CHRNA2: variants seen among roughly 807,000 people sequenced by gnomAD.
CHRNA2 encodes neuronal acetylcholine receptor subunit alpha-2.
In CHRNA2, 40 loss-of-function variants were observed where a neutral mutation model predicts 45.5. The observed-to-expected ratio is 0.88, with a 90% CI of 0.68 to 1.15. CHRNA2 has a LOEUF of 1.15. Ranked by LOEUF, CHRNA2 falls within the 50% of genes most tolerant of loss-of-function variation. The pLI is 0.00. For missense variants in CHRNA2, 655 were observed against 701.7 expected (o/e 0.93, Z 0.75); for synonymous variants, 301 against 296.7 (o/e 1.01, Z -0.15).
In CHRNA2 at chr8:27,469,925, G is replaced by A; in HGVS notation, c.130C>T (p.Pro44Ser). The A allele has an allele frequency of 6.2e-7, 1 of 1,614,176 alleles. No individual in the cohort carries two copies. The highest frequency in any genetic ancestry group is 8.5e-7 in the Non-Finnish European group (1 of 1,180,044). ...PRAPGDPLSS[P>S]SPTALPQGGS... is the part of the protein sequence containing the mutation. ...CCCTGCGGCAATGCCGTGGGACTGG[G>A]AGAGGAGAGTGGGTCTCCAGGAGCC... is the stretch of plus-strand genomic sequence containing the variant. The change falls in exon 3 of 7, where the codon CCC becomes TCC. Residue 44 changes from proline to serine, a missense_variant. Coordinates refer to ENST00000407991, the MANE Select transcript of CHRNA2 (RefSeq NM_000742.4).
chr8:27,469,605 G>A (rs916888102), intron 3 of CHRNA2, 156 bp downstream of exon 3: 5 of 962,364 alleles, frequency 5.2e-6, no homozygotes, highest in South Asian at 2.7e-5. Flanking sequence ...CTGGGAGAGG[G>A]GAGAGCGTAG....
intron 1 of CHRNA2, among the ~76,000 whole-genome samples, chr8:27,472,059 G>A (rs1482252955): frequency 6.6e-6 from 1 of 152,242 alleles, no homozygotes; most frequent in Non-Finnish European, 1.5e-5. Flanking sequence ...GTTTTGAAGA[G>A]CTTCTAAATA....
chr8:27,464,288 T>C lies in CHRNA2; in HGVS notation c.450-295A>G, dbSNP rs114466670. Among the ~76,000 whole-genome samples, 3,179 of 152,276 alleles carry C rather than the reference T, an allele frequency of 0.021. 119 individuals are homozygous for C. Among genetic ancestry groups the C allele is most frequent in the African/African-American group, 0.072 (2,995 of 41,526 alleles). On this transcript the variant is annotated intron_variant, in intron 5 of 6. Transcript: ENST00000407991. ...CATTTTGATGATATATATGTATATA[T>C]ATAAAATGTAAAACGATTATATATA...
intron 1 of CHRNA2, among the ~76,000 whole-genome samples, chr8:27,474,941 C>A (rs1490308218): frequency 6.6e-6 from 1 of 152,228 alleles, no homozygotes; most frequent in Non-Finnish European, 1.5e-5. Context: ...GCAAAGGAAA[C>A]AGCACAGCTA....
intron 3 of CHRNA2, 49 bp downstream of exon 3, chr8:27,469,712 G>T: frequency 3.1e-6 from 5 of 1,603,502 alleles, no homozygotes; most frequent in Non-Finnish European, 4.3e-6. Flanking sequence ...AAAGCGGTGG[G>T]TGGTCTGGGA....
chr8:27,462,956 C>G, intron 6 of CHRNA2, 23 bp downstream of exon 6: 1 of 1,613,806 alleles, frequency 6.2e-7, no homozygotes, highest in South Asian at 1.1e-5. Context: ...CCCAGGCTGG[C>G]GCCTCTCCCA....
rs996402914 is a variant in CHRNA2 at position 27,464,562 on chromosome 8, C to A, written c.450-569G>T. ...GGTGGGTGTGGCCAGGTGCTTGCTG[C>A]TGATTGGCTGGGTGGGGATGACATC... On this transcript the variant is annotated intron_variant, in intron 5 of 6. Transcript: ENST00000407991. Among the ~76,000 whole-genome samples, 6 of 152,004 alleles carry A rather than the reference C, an allele frequency of 3.9e-5. 1 individual carries two copies. The highest frequency in any genetic ancestry group is 2.6e-4 in the Admixed American group (4 of 15,266).
At position 27,463,146 on chromosome 8, in the gene CHRNA2, CAG is replaced by C; in HGVS notation, c.1295_1296del (p.Ser432CysfsTer20). The C allele has an allele frequency of 6.2e-7, 1 of 1,603,006 alleles. No individual in the cohort carries two copies. The highest frequency in any genetic ancestry group is 1.1e-5 in the South Asian group (1 of 90,536). On this transcript the variant is annotated frameshift_variant, in exon 6 of 7. Coordinates refer to ENST00000407991, the MANE Select transcript of CHRNA2 (RefSeq NM_000742.4). LOFTEE classifies it high-confidence loss of function. This position sits in a 1 kb window ranked among gnomAD's most constrained non-coding sequence, Gnocchi z 6.1. ...RWACAGHVAP[S>X]VGTLCSHGHL... ...TGGCCGTGGCTGCAGAGGGTGCCCA[CAG>C]AGGGGGCCACATGACCTGCACATGC...
chr8:27,471,949 G>A (rs1003257320), intron 1 of CHRNA2, among the ~76,000 whole-genome samples: 1 of 152,194 alleles, frequency 6.6e-6, no homozygotes, highest in African/African-American at 2.4e-5. Flanking sequence ...CAAACCTCCA[G>A]GGACAGGAGA....
intron 1 of CHRNA2, among the ~76,000 whole-genome samples, chr8:27,472,766 A>G (rs983562056): frequency 6.6e-6 from 1 of 152,192 alleles, no homozygotes; most frequent in Non-Finnish European, 1.5e-5. Flanking sequence ...ACTAAAATTC[A>G]CCGAATTGCA....
intron 1 of CHRNA2, among the ~76,000 whole-genome samples, chr8:27,472,335 T>C (rs146602898): frequency 3.9e-5 from 6 of 152,202 alleles, no homozygotes; most frequent in East Asian, 1.9e-4. Flanking sequence ...GGCATTGACA[T>C]TGGGGGGCAG....
Position 27,463,773 on chromosome 8 carries a change from C to T in CHRNA2, c.670G>A (p.Asp224Asn), listed in dbSNP as rs781326114. 4 of 1,614,146 alleles carry T rather than the reference C, an allele frequency of 2.5e-6. No homozygotes were observed. The highest frequency in any genetic ancestry group is 3.3e-5 in the Admixed American group (2 of 60,024). The change falls in exon 6 of 7, where the codon GAC becomes AAC. Residue 224 changes from aspartate (D) to asparagine (N), a missense_variant. Around this residue, in one of 3 missense-constraint regions of CHRNA2, gnomAD observed 323 missense variants for 354.4 expected, o/e 0.91. Coordinates refer to ENST00000407991, the MANE Select transcript of CHRNA2 (RefSeq NM_000742.4). The surrounding 1 kb of genome is among the most constrained non-coding windows in gnomAD (Gnocchi z 6.1). ...EQMEQTVDLKDYWESGEWAIV... is the reference protein window; with the variant it reads ...EQMEQTVDLKNYWESGEWAIV... ...GCCCACTCGCCGCTCTCCCAGTAGT[C>T]CTTCAGGTCCACAGTCTGCTCCATC...
intron 1 of CHRNA2, among the ~76,000 whole-genome samples, chr8:27,476,771 C>T (rs902374330): frequency 3.9e-5 from 6 of 152,084 alleles, no homozygotes; most frequent in South Asian, 2.1e-4. Context: ...TTCATACAGG[C>T]GTGAAGTTTT....
exon 1 of CHRNA2, chr8:27,479,253 CACACACACACAT>C (rs965299127): frequency 1.3e-4 from 19 of 144,198 alleles, no homozygotes; most frequent in Non-Finnish European, 2.6e-4. Context: ...CTCTCTCACA[CACACACACACAT>C]ACACACACAC....
chr8:27,462,928 G>C, intron 6 of CHRNA2, 51 bp downstream of exon 6: 1 of 1,611,548 alleles, frequency 6.2e-7, no homozygotes, highest in Non-Finnish European at 8.5e-7. Context: ...GTGGTTCCCC[G>C]CTAAGTTGGT....
At chr8:27,464,117 T>A (rs1157708836) in intron 5 of CHRNA2, 124 bp from the exon 6 acceptor site, 1 of 1,087,968 alleles carries the variant, frequency 9.2e-7, no homozygotes, top group East Asian at 2.6e-5. Flanking sequence ...TGGCGGGGTT[T>A]ATTTATGCAA....
intron 5 of CHRNA2, 82 bp downstream of exon 5, chr8:27,467,146 AG>A (rs1443130925): frequency 2.0e-5 from 21 of 1,027,060 alleles, no homozygotes; most frequent in African/African-American, 6.3e-5. Context: ...AGCTGACACC[AG>A]GGGGGCCCCT....
intron 1 of CHRNA2, among the ~76,000 whole-genome samples, chr8:27,473,529 C>A (rs1330642558): frequency 1.6e-5 from 2 of 123,328 alleles, no homozygotes; most frequent in African/African-American, 2.9e-5. Context: ...GTGAGACCCC[C>A]CCCGCCGTCT....
intron 6 of CHRNA2, among the ~76,000 whole-genome samples, chr8:27,462,553 G>A (rs1285589524): frequency 2.0e-5 from 3 of 152,182 alleles, no homozygotes; most frequent in Non-Finnish European, 1.5e-5. Context: ...ACAAGGAGGC[G>A]GAGGAAGAGA....
Sources: allele counts gnomAD v4.1 joint callset (sites outside exome capture counted in the v4.1 genomes callset), GRCh38; gene constraint gnomAD v4.1.1; regional missense constraint gnomAD v4.1.1; non-coding constraint Gnocchi (gnomAD v3.1); transcripts MANE v1.5; gene names NCBI Gene and HGNC (gene_info 2026-07-23, HGNC 2026-07-21).